The following CEP290 variants were observed in gnomAD, a reference collection of about 807,000 sequenced individuals.
CEP290 encodes centrosomal protein of 290 kDa.
CEP290 carries 317 observed loss-of-function variants against 344.9 expected under a neutral mutation model. The observed-to-expected ratio is 0.92, with a 90% confidence interval of 0.84 to 1.01. The LOEUF (loss-of-function observed/expected upper bound fraction) is 1.01, where lower values mean the gene tolerates loss of function less well. Among genes scored for constraint, CEP290 ranks in the 50% least tolerant of loss-of-function variants. CEP290 has a pLI of 0.00. For synonymous variants in CEP290, 932 were observed against 895.8 expected (o/e 1.04, Z -0.72); for missense variants, 2,754 against 2,761.4 (o/e 1.00, Z 0.06).
rs768448895 is a variant in CEP290, at chr12:88,109,102, C to G, written c.2447G>C (p.Arg816Pro). Residue 816 changes from arginine (R) to proline (P), a missense_variant, in exon 23 of 54, where the codon CGT becomes CCT. By Grantham distance (103) the Arg-to-Pro change is moderately radical. Coordinates refer to ENST00000552810, the MANE Select transcript of CEP290 (RefSeq NM_025114.4). Reference sequence around the variant, plus strand: ...TTTATACAACAAACTTTGTTGATGACGAATTACAGCAAATTTTCTGTTGTA... The same window carrying G: ...TTTATACAACAAACTTTGTTGATGAGGAATTACAGCAAATTTTCTGTTGTA... ...EDYNRKFAVI[R>P]HQQSLLYKEY... is the part of the protein sequence containing the mutation. 3 of 1,446,210 alleles carry G rather than the reference C, an allele frequency of 2.1e-6. No individual in the cohort carries two copies. The highest frequency in any genetic ancestry group is 2.9e-5 in the African/African-American group (2 of 67,862). The allele number at this position is 1,446,210 out of a possible 1,614,324, so 89.6% of individuals were successfully genotyped here. A position where few individuals can be genotyped will look rare whatever the true frequency, so the allele number is the denominator to read the frequency against.
intron 1 of CEP290, 142 bp from the exon 2 acceptor site, chr12:88,141,476 T>A (rs984859561): frequency 2.2e-6 from 1 of 460,150 alleles, no homozygotes; most frequent in East Asian, 3.8e-5. Flanking sequence ...AATAGACAAG[T>A]GGGCAAAATA....
At chr12:88,135,075 T>C (rs1424855380) in intron 6 of CEP290, among the ~76,000 whole-genome samples, 4 of 152,178 alleles carry the variant, frequency 2.6e-5, no homozygotes, top group African/African-American at 9.7e-5. Context: ...TTATGCTTAT[T>C]ATTGACTATG....
intron 45 of CEP290, 21 bp from the exon 46 acceptor site, chr12:88,062,799 A>G (rs1489878576): frequency 7.6e-6 from 11 of 1,452,094 alleles, no homozygotes; most frequent in Non-Finnish European, 1.0e-5. Flanking sequence ...ACAAGCAAAC[A>G]TGTAATAATT....
intron 49 of CEP290, 30 bp from the exon 50 acceptor site, chr12:88,055,747 A>G (rs1329525419): frequency 2.9e-6 from 4 of 1,379,510 alleles, no homozygotes; most frequent in Non-Finnish European, 3.9e-6. Flanking sequence ...AAGTATAGAC[A>G]TGGCAAATAA....
intron 13 of CEP290, among the ~76,000 whole-genome samples, chr12:88,122,206 CCTTCCATCCACATATCTAT>C (rs2039446643): frequency 6.6e-6 from 1 of 152,148 alleles, no homozygotes; most frequent in Middle Eastern, 3.4e-3. Flanking sequence ...ATCTATTCTC[CCTTCCATCCACATATCTAT>C]TCTCCTATCA....
At chr12:88,087,251 T>A (rs1371830363) in intron 32 of CEP290, among the ~76,000 whole-genome samples, 1 of 152,156 alleles carries the variant, frequency 6.6e-6, no homozygotes, top group Admixed American at 6.5e-5. Context: ...AAAATAAAAA[T>A]TAACTTACCA....
chr12:88,098,498 G>A (rs936524480), intron 26 of CEP290, among the ~76,000 whole-genome samples: 1 of 151,954 alleles, frequency 6.6e-6, no homozygotes, highest in African/African-American at 2.4e-5. Flanking sequence ...TGTAATCCCA[G>A]CTATTTTGGA....
intron 1 of CEP290, 64 bp from the exon 2 acceptor site, chr12:88,141,398 C>A: frequency 1.3e-6 from 1 of 759,506 alleles, no homozygotes; most frequent in South Asian, 2.6e-5. Flanking sequence ...TTTCTAGCAC[C>A]TTACATTTTT....
chr12:88,112,334 GAATAC>G (rs1213882125), intron 20 of CEP290, among the ~76,000 whole-genome samples: 4 of 152,064 alleles, frequency 2.6e-5, no homozygotes, highest in African/African-American at 9.7e-5. Context: ...CAAAGGAATG[GAATAC>G]AATATTGAAC....
In CEP290 at chr12:88,077,272, G is replaced by T. The variant is rs1353100864; in HGVS notation, c.5659C>A (p.Gln1887Lys). ...ACTTCCTCCACCTTTCCCTCTAATT[G>T]GTTCTCTAGTTTTTTAACTTTCCTT... ...LQRKVKKLEN[Q>K]LEGKVEEVDL... Residue 1887 changes from glutamine to lysine, a missense_variant, in exon 41 of 54, where the codon CAA becomes AAA. Gln to Lys is a moderately conservative substitution (Grantham distance 53). Transcript: ENST00000552810. 5.0e-6 allele frequency: 8 copies of T among 1,603,288 alleles called. No individual in the cohort carries two copies. The highest frequency in any genetic ancestry group is 6.8e-6 in the Non-Finnish European group (8 of 1,175,664).
intron 43 of CEP290, 147 bp downstream of exon 43, chr12:88,071,147 G>A (rs2035342879): frequency 1.5e-6 from 1 of 671,312 alleles, no homozygotes; most frequent in Non-Finnish European, 2.6e-6. Context: ...AAATTATGTG[G>A]CATATGAAGA....
rs937852486 is a variant in CEP290 at position 88,129,789 on chromosome 12, T to G, written c.757A>C (p.Met253Leu). ...TTCATTCTATTATATTCATCAGTCA[T>G]CTTCTCCATTTCCTGTACAGACTCT... ...LEESVQEMEK[M>L]TDEYNRMKAI... Residue 253 changes from methionine (M) to leucine (L), a missense_variant, in exon 10 of 54, where the codon ATG (methionine) becomes CTG (leucine). Physicochemically the swap from Met to Leu is conservative, Grantham distance 15. Transcript: ENST00000552810. The G allele has an allele frequency of 1.3e-6, 2 of 1,484,174 alleles. No individual in the cohort carries two copies. Among genetic ancestry groups the G allele is most frequent in the African/African-American group, 2.9e-5 (2 of 68,704 alleles). The allele number at this position is 1,484,174 out of a possible 1,614,324, so 91.9% of individuals were successfully genotyped here.
intron 18 of CEP290, among the ~76,000 whole-genome samples, chr12:88,116,497 T>A (rs2039044243): frequency 6.6e-6 from 1 of 152,220 alleles, no homozygotes; most frequent in South Asian, 2.1e-4. Context: ...AATGATGATC[T>A]CCTATGCAGC....
At position 88,077,813 on chromosome 12, in the gene CEP290, T is replaced by G; in HGVS notation, c.5470A>C (p.Asn1824His). The change falls in exon 40 of 54, where the codon AAT becomes CAT. Residue 1824 changes from asparagine to histidine, a missense_variant. Asn to His is a moderately conservative substitution (Grantham distance 68, BLOSUM62 1). Coordinates refer to ENST00000552810, the MANE Select transcript of CEP290 (RefSeq NM_025114.4). ...GCTTTTTGTTTCTTTTGCAGTTCAT[T>G]ATTTAAGTCATTCAAATTATCAGTT... ...SLTDNLNDLN[N>H]ELQKKQKAYN... The G allele has an allele frequency of 6.5e-7, 1 of 1,539,314 alleles. No individual in the cohort carries two copies. The highest frequency in any genetic ancestry group is 8.9e-7 in the Non-Finnish European group (1 of 1,125,176).
rs1189629938 is a variant in CEP290 at position 88,129,768 on chromosome 12, T to C, written c.778A>G (p.Met260Val). ...MEKMTDEYNRMKAIVHQTDNV... is the reference protein window; with the variant it reads ...MEKMTDEYNRVKAIVHQTDNV... ...TCTGTCTGATGCACAATAGCTTTCA[T>C]TCTATTATATTCATCAGTCATCTTC... Residue 260 changes from methionine to valine, a missense_variant, in exon 10 of 54, where the codon ATG becomes GTG. Physicochemically the swap from Met to Val is conservative, Grantham distance 21 (BLOSUM62 1). Coordinates refer to ENST00000552810, the MANE Select transcript of CEP290 (RefSeq NM_025114.4). 2.0e-6 allele frequency: 3 copies of C among 1,481,276 alleles called. No homozygotes were observed. The Admixed American group carries it at 7.1e-5, about 35-fold the overall frequency. The allele number at this position is 1,481,276 out of a possible 1,614,324, so 91.8% of individuals were successfully genotyped here. A position where few individuals can be genotyped will look rare whatever the true frequency, so the allele number is the denominator to read the frequency against.
In CEP290 at chr12:88,086,385, T is replaced by C; in HGVS notation, c.4302+6A>G. ...CAGAGTAACAAACAAGATTAATCAT[T>C]CATACCTTTTGTGCCGCATTTAGTA... On this transcript the variant is annotated splice_donor_region_variant and intron_variant, in intron 33 of 53. Coordinates refer to ENST00000552810, the MANE Select transcript of CEP290 (RefSeq NM_025114.4). The C allele has an allele frequency of 6.4e-7, 1 of 1,572,544 alleles. No individual in the cohort carries two copies. Among genetic ancestry groups the C allele is most frequent in the Non-Finnish European group, 8.6e-7 (1 of 1,156,128 alleles).
intron 26 of CEP290, among the ~76,000 whole-genome samples, chr12:88,101,675 AAT>A (rs1195186816): frequency 1.3e-5 from 2 of 151,322 alleles, no homozygotes; most frequent in Non-Finnish European, 1.5e-5. Context: ...AAAAAAAAAA[AAT>A]CTTTAGGAAA....
At chr12:88,053,934 C>A (rs188493433) in intron 51 of CEP290, among the ~76,000 whole-genome samples, 188 bp from the exon 52 acceptor site, 1 of 152,114 alleles carries the variant, frequency 6.6e-6, no homozygotes, top group Non-Finnish European at 1.5e-5. Context: ...AAAGCCTTCA[C>A]GTTTTTCTTA....
intron 15 of CEP290, among the ~76,000 whole-genome samples, chr12:88,119,614 C>T (rs2039280223): frequency 6.6e-6 from 1 of 152,148 alleles, no homozygotes; most frequent in Non-Finnish European, 1.5e-5. Context: ...GCCTAGCCAA[C>T]ATGGTGAAAT....
Sources: gnomAD v4.1 joint callset for allele counts (sites outside exome capture counted in the v4.1 genomes callset) on GRCh38, gnomAD v4.1.1 for gene constraint, MANE v1.5 for transcripts, NCBI Gene and HGNC (gene_info 2026-07-23, HGNC 2026-07-21) for gene names.